VAT1L: variants seen among roughly 807,000 people sequenced by gnomAD.
The protein encoded by VAT1L is vesicle amine transport 1 like.
VAT1L carries 34 observed loss-of-function variants against 44.1 expected under a neutral mutation model. That is an observed-to-expected ratio of 0.77 (90% CI 0.59 to 1.03). The LOEUF (loss-of-function observed/expected upper bound fraction) is 1.03, where lower values mean the gene tolerates loss of function less well. Among genes scored for constraint, VAT1L ranks in the 50% least tolerant of loss-of-function variants. VAT1L has a pLI of 0.00. For missense variants in VAT1L, 615 were observed against 538.8 expected, an observed-to-expected ratio of 1.14 and a Z score of -1.40; for synonymous variants, 253 against 202.2, an observed-to-expected ratio of 1.25 and a Z score of -2.13.
chr16:77,926,693 T>G (rs2017673180), intron 7 of VAT1L, among the ~76,000 whole-genome samples: 1 of 152,200 alleles, frequency 6.6e-6, no homozygotes, highest in Non-Finnish European at 1.5e-5. Context: ...TAAGGTTGAC[T>G]TCACAGTCCT....
intron 7 of VAT1L, among the ~76,000 whole-genome samples, chr16:77,936,742 C>G (rs2017802101): frequency 6.6e-6 from 1 of 151,992 alleles, no homozygotes; most frequent in Admixed American, 6.5e-5. Context: ...TACTGTGGCT[C>G]CATCTTGTAA....
At chr16:77,793,526 G>A (rs1292130639) in intron 1 of VAT1L, among the ~76,000 whole-genome samples, 3 of 152,172 alleles carry the variant, frequency 2.0e-5, no homozygotes, top group Non-Finnish European at 4.4e-5. Flanking sequence ...CTTAGACCGG[G>A]GCTGCTAGGA....
At chr16:77,845,543 C>T (rs2016750238) in intron 3 of VAT1L, among the ~76,000 whole-genome samples, 1 of 152,294 alleles carries the variant, frequency 6.6e-6, no homozygotes, top group African/African-American at 2.4e-5. Context: ...TGCACCCACA[C>T]TTTTACCCTA....
At chr16:77,973,092 C>G (rs73568686) in intron 8 of VAT1L, among the ~76,000 whole-genome samples, 1 of 151,988 alleles carries the variant, frequency 6.6e-6, no homozygotes, top group African/African-American at 2.4e-5. Context: ...TGGGGCCTCT[C>G]GAGGAGGAAC....
chr16:77,979,512 T>C lies in VAT1L; in HGVS notation c.*1817T>C, dbSNP rs868862824. ...AGGGAGAACTGTCATCCAAGTGGCATTCCTAGTAAGTTGGGTAGAAATGAC... is the reference window on the plus strand; with the variant it reads ...AGGGAGAACTGTCATCCAAGTGGCACTCCTAGTAAGTTGGGTAGAAATGAC... On this transcript the variant is annotated 3_prime_UTR_variant, in exon 9 of 9. Coordinates refer to ENST00000302536, the MANE Select transcript of VAT1L (RefSeq NM_020927.3). The C allele has an allele frequency of 3.3e-5, 5 of 152,180 alleles. No homozygotes were observed. The highest frequency in any genetic ancestry group is 1.2e-4 in the African/African-American group (5 of 41,434). 9.4% of individuals were successfully genotyped at this position (152,180 alleles called of 1,614,324 possible).
chr16:77,901,372 G>C (rs2017381457), intron 7 of VAT1L, among the ~76,000 whole-genome samples: 1 of 151,890 alleles, frequency 6.6e-6, no homozygotes, highest in Non-Finnish European at 1.5e-5. Flanking sequence ...CACCGTGTTA[G>C]CCAGGATGGT....
At chr16:77,930,779 G>C (rs987602296) in intron 7 of VAT1L, among the ~76,000 whole-genome samples, 1 of 152,138 alleles carries the variant, frequency 6.6e-6, no homozygotes, top group Non-Finnish European at 1.5e-5. Flanking sequence ...GGCATGGAGA[G>C]AACACTGTTC....
Position 77,978,919 on chromosome 16 carries a change from C to T in VAT1L, c.*1224C>T, listed in dbSNP as rs1487237445. 6.6e-6 allele frequency: 1 copy of T among 152,222 alleles called. No homozygotes were observed. Among genetic ancestry groups the T allele is most frequent in the Non-Finnish European group, 1.5e-5 (1 of 68,048 alleles). The allele number at this position is 152,222 out of a possible 1,614,324, so 9.4% of individuals were successfully genotyped here. On this transcript the variant is annotated 3_prime_UTR_variant, in exon 9 of 9. Coordinates refer to ENST00000302536, the MANE Select transcript of VAT1L (RefSeq NM_020927.3). Reference sequence around the variant, plus strand: ...CCTTCGAGAAACAGAGGGAGCTCCTCACCCCGTCCTTCCAGTCCTTTTGGC... The same window carrying T: ...CCTTCGAGAAACAGAGGGAGCTCCTTACCCCGTCCTTCCAGTCCTTTTGGC...
intron 2 of VAT1L, among the ~76,000 whole-genome samples, chr16:77,819,242 G>T (rs1448555405): frequency 6.6e-6 from 1 of 152,166 alleles, no homozygotes; most frequent in Non-Finnish European, 1.5e-5. Context: ...ACTCTGTGCT[G>T]ACCCTGGAGG....
chr16:77,963,448 G>A (rs569910202), intron 7 of VAT1L, among the ~76,000 whole-genome samples: 17 of 152,144 alleles, frequency 1.1e-4, no homozygotes, highest in Non-Finnish European at 2.2e-4. Flanking sequence ...AACAAATGCA[G>A]GAAGGAATGC....
chr16:77,941,841 G>A (rs887196712), intron 7 of VAT1L, among the ~76,000 whole-genome samples: 3 of 152,084 alleles, frequency 2.0e-5, no homozygotes, highest in Non-Finnish European at 1.5e-5. Flanking sequence ...CACCTGCCTC[G>A]GCCTCCCAGA....
chr16:77,975,047 A>G (rs1185071070), intron 8 of VAT1L, among the ~76,000 whole-genome samples: 4 of 152,100 alleles, frequency 2.6e-5, no homozygotes, highest in Admixed American at 6.5e-5. Flanking sequence ...GGAGGGATCC[A>G]GTGAGGTCAT....
intron 3 of VAT1L, among the ~76,000 whole-genome samples, chr16:77,852,096 C>T (rs1450460374): frequency 6.6e-6 from 1 of 152,150 alleles, no homozygotes; most frequent in African/African-American, 2.4e-5. Flanking sequence ...CATACTAGTG[C>T]TCCTCTCCCC....
At position 77,884,406 on chromosome 16, in the gene VAT1L, GA is replaced by G. The variant is rs1344914979; in HGVS notation, c.883-201del. ...CCACTGCACTCCAGCCTGGGCTACA[GA>G]GTGAGACTCCATCTCAAAAAATAAA... On this transcript the variant is annotated intron_variant, in intron 6 of 8. Coordinates refer to ENST00000302536, the MANE Select transcript of VAT1L (RefSeq NM_020927.3). The surrounding 1 kb of genome is among the most constrained non-coding windows in gnomAD (Gnocchi z 4.5). Among the ~76,000 whole-genome samples, 3 of 152,046 alleles carry G rather than the reference GA, an allele frequency of 2.0e-5. No individual in the cohort carries two copies. The highest frequency in any genetic ancestry group is 7.2e-5 in the African/African-American group (3 of 41,394).
chr16:77,904,749 C>T (rs1202469640), intron 7 of VAT1L, among the ~76,000 whole-genome samples: 1 of 152,188 alleles, frequency 6.6e-6, no homozygotes, highest in Non-Finnish European at 1.5e-5. Flanking sequence ...AATATAAGAA[C>T]TTTGGGCCAA....
intron 7 of VAT1L, among the ~76,000 whole-genome samples, chr16:77,945,152 A>C (rs917693919): frequency 6.6e-6 from 1 of 152,142 alleles, no homozygotes; most frequent in Non-Finnish European, 1.5e-5. Flanking sequence ...TAGTCTGTCC[A>C]ATCTGTGGGG....
intron 3 of VAT1L, among the ~76,000 whole-genome samples, chr16:77,827,522 A>T (rs1232116867): frequency 1.3e-5 from 2 of 152,248 alleles, no homozygotes; most frequent in Non-Finnish European, 2.9e-5. Flanking sequence ...GACAATACTA[A>T]CTAAAGTGTA....
intron 4 of VAT1L, among the ~76,000 whole-genome samples, chr16:77,870,707 G>T (rs1181119794): frequency 6.6e-6 from 1 of 152,210 alleles, no homozygotes; most frequent in Non-Finnish European, 1.5e-5. Context: ...GCAGGAAAAA[G>T]CACACAGAGG....
At chr16:77,968,446 C>T (rs1174762978) in intron 7 of VAT1L, among the ~76,000 whole-genome samples, 1 of 152,156 alleles carries the variant, frequency 6.6e-6, no homozygotes, top group Non-Finnish European at 1.5e-5. Context: ...AGAGCATGGG[C>T]TGGGCGCGGT....
Sources: gnomAD v4.1 joint callset for allele counts (sites outside exome capture counted in the v4.1 genomes callset) on GRCh38, gnomAD v4.1.1 for gene constraint, Gnocchi (gnomAD v3.1) non-coding constraint, MANE v1.5 for transcripts, NCBI Gene and HGNC (gene_info 2026-07-23, HGNC 2026-07-21) for gene names.